The following KIF1A variants were observed in gnomAD, a reference collection of about 807,000 sequenced individuals.
KIF1A encodes the protein kinesin family member 1A.
Under a neutral mutation model 227.3 loss-of-function variants are expected in KIF1A, and 46 were observed. The observed-to-expected ratio is 0.20, with a 90% confidence interval of 0.16 to 0.26. The LOEUF (loss-of-function observed/expected upper bound fraction) is 0.26, where lower values mean the gene tolerates loss of function less well. Ranked by LOEUF, KIF1A falls within the 10% of genes least tolerant of loss-of-function variation. The probability of loss-of-function intolerance (pLI) is 1.00; values close to 1 mark genes in which losing one functional copy is unlikely to be tolerated. For missense variants in KIF1A, 1,683 were observed against 2,485.9 expected (o/e 0.68, Z 6.87); for synonymous variants, 1,022 against 1,012.8 (o/e 1.01, Z -0.17).
chr2:240,815,143 G>C (rs1346796119), intron 1 of KIF1A, among the ~76,000 whole-genome samples: 2 of 152,150 alleles, frequency 1.3e-5, no homozygotes, highest in Non-Finnish European at 2.9e-5. Context: ...CAGGAGAGTG[G>C]GGACCAGATG....
intron 4 of KIF1A, among the ~76,000 whole-genome samples, chr2:240,787,696 G>T (rs76245556): frequency 1.3e-5 from 2 of 152,168 alleles, no homozygotes; most frequent in African/African-American, 4.8e-5. Flanking sequence ...GCTGGGTCTG[G>T]TGTTTGGCCA....
chr2:240,806,470 G>A (rs138845263), intron 1 of KIF1A, among the ~76,000 whole-genome samples: 11 of 152,304 alleles, frequency 7.2e-5, no homozygotes, highest in Admixed American at 3.3e-4. Context: ...CAGATATTCC[G>A]TGGAGACCCT....
chr2:240,769,223 C>G lies in KIF1A; in HGVS notation c.1422-15G>C. ...GCAGGGCTTCCCTGGGGGAACAGAG[C>G]TGAGGTCAGCACAAGCTCCACAAGG... On this transcript the variant is annotated splice_polypyrimidine_tract_variant and intron_variant, in intron 16 of 48. Transcript: ENST00000498729. 2 of 1,600,728 alleles carry G rather than the reference C, an allele frequency of 1.2e-6. No individual in the cohort carries two copies. Among genetic ancestry groups the G allele is most frequent in the Non-Finnish European group, 1.7e-6 (2 of 1,174,046 alleles).
At chr2:240,810,059 C>T (rs1405536886) in intron 1 of KIF1A, among the ~76,000 whole-genome samples, 1 of 152,000 alleles carries the variant, frequency 6.6e-6, no homozygotes, top group Non-Finnish European at 1.5e-5. Context: ...AGTGATCCAC[C>T]CACCTCGGCC....
intron 1 of KIF1A, among the ~76,000 whole-genome samples, chr2:240,818,434 G>C (rs552059782): frequency 2.6e-5 from 4 of 152,286 alleles, no homozygotes; most frequent in African/African-American, 9.6e-5. Flanking sequence ...AACCAAACAA[G>C]GAACCCCTCT....
chr2:240,797,176 A>G (rs1382099625), intron 2 of KIF1A, among the ~76,000 whole-genome samples: 1 of 152,252 alleles, frequency 6.6e-6, no homozygotes, highest in East Asian at 1.9e-4. Flanking sequence ...CGGTTTGGAT[A>G]TGTGGGGAAA....
chr2:240,773,361 C>T (rs1462714077), intron 12 of KIF1A, 105 bp from the exon 13 acceptor site: 2 of 1,416,870 alleles, frequency 1.4e-6, no homozygotes, highest in Non-Finnish European at 9.7e-7. Context: ...TTGGGCTCAG[C>T]AGCCAGGCCA....
In KIF1A at chr2:240,726,189, G is replaced by A. The variant is rs1176969503; in HGVS notation, c.4122+637C>T. On this transcript the variant is annotated intron_variant, in intron 39 of 48. Coordinates refer to ENST00000498729, the MANE Select transcript of KIF1A (RefSeq NM_001244008.2). The surrounding 1 kb of genome is among the most constrained non-coding windows in gnomAD (Gnocchi z 5.2). ...TACTGCAGACTCTGGGGGTGCTGTG[G>A]GGATGGAACACTTCTGTTTTTGTGC... 6.6e-6 allele frequency among the ~76,000 whole-genome samples: 1 copy of A among 152,234 alleles called. No homozygotes were observed. Among genetic ancestry groups the A allele is most frequent in the African/African-American group, 2.4e-5 (1 of 41,460 alleles).
intron 38 of KIF1A, among the ~76,000 whole-genome samples, chr2:240,732,321 G>A (rs2046789545): frequency 7.3e-6 from 1 of 136,182 alleles, no homozygotes; most frequent in Non-Finnish European, 1.6e-5. Flanking sequence ...GAGGGGATGA[G>A]GAAATGAGGG....
At position 240,796,152 on chromosome 2, in the gene KIF1A, C is replaced by T. The variant is rs1402405259; in HGVS notation, c.106+1495G>A. Among the ~76,000 whole-genome samples, 7 of 152,190 alleles carry T rather than the reference C, an allele frequency of 4.6e-5. No homozygotes were observed. The East Asian group carries it at 1.2e-3, about 25-fold the overall frequency. ...CTCACCAGAGGTCACGGTTCCCACC[C>T]GGAGTCGAAGGTCACACCCAGAGCC... On this transcript the variant is annotated intron_variant, in intron 2 of 48. Transcript: ENST00000498729.
At position 240,788,159 on chromosome 2, in the gene KIF1A, G is replaced by A. The variant is rs1300762177; in HGVS notation, c.255C>T (p.Ala85=). 1 of 1,613,644 alleles carries A rather than the reference G, an allele frequency of 6.2e-7. No homozygotes were observed. Among genetic ancestry groups the A allele is most frequent in the South Asian group, 1.1e-5 (1 of 91,048 alleles). ...AGATGCACACGTTGTATCCCTCAAA[G>A]GCATGCTGCAGCATCTCCTCGCCGA... ...RDIGEEMLQH[A]FEGYNVCIFA... The change falls in exon 4 of 49, where the codon GCC becomes GCT. Residue 85 remains alanine (A), a synonymous_variant. Transcript: ENST00000498729. The surrounding 1 kb of genome is among the most constrained non-coding windows in gnomAD (Gnocchi z 6.6).
chr2:240,747,386 C>A, intron 28 of KIF1A, 65 bp from the exon 29 acceptor site: 2 of 1,281,470 alleles, frequency 1.6e-6, no homozygotes, highest in East Asian at 2.4e-5. Flanking sequence ...GTGGGCAGAG[C>A]CAGGCTGGGC....
chr2:240,759,605 G>T (rs1452964043), intron 25 of KIF1A, among the ~76,000 whole-genome samples: 1 of 152,168 alleles, frequency 6.6e-6, no homozygotes, highest in African/African-American at 2.4e-5. Flanking sequence ...TCCCCCTGTA[G>T]CCCTGCAGGG....
intron 45 of KIF1A, chr2:240,720,587 T>C (rs1238610259): frequency 4.7e-6 from 1 of 210,964 alleles, no homozygotes; most frequent in Non-Finnish European, 9.6e-6. Context: ...CTAACGGCTC[T>C]CATGCCCTCT....
At position 240,722,452 on chromosome 2, in the gene KIF1A, C is replaced by G. The variant is rs772449700; in HGVS notation, c.4665+4G>C. On this transcript the variant is annotated splice_donor_region_variant and intron_variant, in intron 43 of 48. Transcript: ENST00000498729. ...CGGCTGTACTGCCCACCAGCTGGAC[C>G]CACCTTGACGGCCAGCTCCCGCTGC... 3.4e-5 allele frequency: 52 copies of G among 1,545,912 alleles called. 1 individual carries two copies. The South Asian group carries it at 5.2e-4, about 16-fold the overall frequency.
chr2:240,720,124 T>C (rs979121821), intron 45 of KIF1A, 198 bp from the exon 46 acceptor site: 8 of 484,954 alleles, frequency 1.6e-5, no homozygotes, highest in Non-Finnish European at 2.8e-5. Context: ...TTCCAGGAAG[T>C]GCTGGGCTTG....
intron 1 of KIF1A, among the ~76,000 whole-genome samples, chr2:240,817,634 T>C (rs1219769917): frequency 6.6e-6 from 1 of 152,158 alleles, no homozygotes; most frequent in Non-Finnish European, 1.5e-5. Context: ...AGCCCCTCCA[T>C]AGACCCCAAT....
At position 240,776,340 on chromosome 2, in the gene KIF1A, G is replaced by A. The variant is rs111858968; in HGVS notation, c.883-414C>T. On this transcript the variant is annotated intron_variant, in intron 10 of 48. Transcript: ENST00000498729. ...CTGACCCAAGGGAAAAGGCCCCACA[G>A]CTAAATGTGGCCCTCCAGGCCCCTA... Among the ~76,000 whole-genome samples, 350 of 152,340 alleles carry A rather than the reference G, an allele frequency of 2.3e-3. 1 individual carries two copies. Among genetic ancestry groups the A allele is most frequent in the African/African-American group, 8.0e-3 (333 of 41,580 alleles).
chr2:240,721,312 G>A (rs1393750939), intron 44 of KIF1A, among the ~76,000 whole-genome samples: 1 of 152,252 alleles, frequency 6.6e-6, no homozygotes, highest in Non-Finnish European at 1.5e-5. Flanking sequence ...GGTAAGCTCT[G>A]CCCTGCCGCC....
Sources: allele counts gnomAD v4.1 joint callset (sites outside exome capture counted in the v4.1 genomes callset), GRCh38; gene constraint gnomAD v4.1.1; non-coding constraint Gnocchi (gnomAD v3.1); transcripts MANE v1.5; gene names NCBI Gene and HGNC (gene_info 2026-07-23, HGNC 2026-07-21).